Variants in PPIL2 observed in about 807,000 individuals in gnomAD.
PPIL2 encodes peptidylprolyl isomerase like 2, also known as RING-type E3 ubiquitin-protein ligase PPIL2.
A neutral mutation model predicts 75.2 loss-of-function variants in PPIL2; 50 were observed. The observed-to-expected ratio is 0.66, with a 90% CI of 0.53 to 0.84. PPIL2 has a LOEUF of 0.84. Among genes scored for constraint, PPIL2 ranks in the 40% least tolerant of loss-of-function variants. PPIL2 has a pLI of 0.00. For missense variants in PPIL2, 590 were observed against 685.0 expected (o/e 0.86, Z 1.55); for synonymous variants, 245 against 258.8 (o/e 0.95, Z 0.51).
chr22:21,676,609 C>A (rs902252121), intron 6 of PPIL2, among the ~76,000 whole-genome samples: 2 of 151,876 alleles, frequency 1.3e-5, no homozygotes, highest in African/African-American at 2.4e-5. Flanking sequence ...CAAAGCACAT[C>A]TTGCACCGCC....
chr22:21,680,292 T>G (rs1347089752), intron 6 of PPIL2, among the ~76,000 whole-genome samples: 1 of 150,426 alleles, frequency 6.6e-6, no homozygotes, highest in Admixed American at 6.6e-5. Context: ...TTTGAGAGGC[T>G]GAGGCAGGCA....
intron 2 of PPIL2, 119 bp from the exon 3 acceptor site, chr22:21,670,447 G>T: frequency 2.7e-6 from 4 of 1,481,924 alleles, no homozygotes; most frequent in Non-Finnish European, 2.8e-6. Flanking sequence ...CACAGCAATT[G>T]CTGTACTTAA....
downstream of PPIL2, chr22:21,699,725 A>T (rs2068045454): frequency 6.5e-6 from 1 of 152,754 alleles, no homozygotes. Context: ...CCTCTTTCAT[A>T]TGCAAAAATA....
At chr22:21,694,517 C>T (rs1290406656) in intron 16 of PPIL2, 76 bp from the exon 17 acceptor site, 6 of 1,540,840 alleles carry the variant, frequency 3.9e-6, no homozygotes, top group East Asian at 4.5e-5. Flanking sequence ...ACCCCTCTTC[C>T]CACGTGCCTT....
rs961999239 is a variant in PPIL2 at position 21,681,889 on chromosome 22, C to T, written c.387+499C>T. Among the ~76,000 whole-genome samples, 6 of 152,214 alleles carry T rather than the reference C, an allele frequency of 3.9e-5. No homozygotes were observed. The East Asian group carries it at 5.8e-4, about 15-fold the overall frequency. On this transcript the variant is annotated intron_variant, in intron 7 of 19. Transcript: ENST00000398831. ...GTGAGGCGGGGCAGGCCCCACATGGCGGGAAAGCCGACCTTTGCGCCGTTG... is the reference window on the plus strand; with the variant it reads ...GTGAGGCGGGGCAGGCCCCACATGGTGGGAAAGCCGACCTTTGCGCCGTTG...
At chr22:21,692,925 C>CAA (rs113931448) in intron 15 of PPIL2, among the ~76,000 whole-genome samples, 4 of 103,782 alleles carry the variant, frequency 3.9e-5, no homozygotes, top group African/African-American at 1.0e-4. Flanking sequence ...GATTCCATCT[C>CAA]AAAAAAAAAA....
rs1356004994 is a variant in PPIL2 at position 21,681,330 on chromosome 22, G to A, written c.327G>A (p.Val109=). The A allele has an allele frequency of 5.0e-6, 8 of 1,614,040 alleles. No individual in the cohort carries two copies. The highest frequency in any genetic ancestry group is 6.8e-6 in the Non-Finnish European group (8 of 1,179,986). ...GKYHCPVLFT[V]FTNNTHIVAV... ...ACCACTGCCCAGTGCTGTTTACCGT[G>A]TTCACCAACAACACCCACATCGTGG... Residue 109 remains valine (V), a synonymous_variant, in exon 7 of 20, where the codon GTG becomes GTA. Coordinates refer to ENST00000398831, the MANE Select transcript of PPIL2 (RefSeq NM_014337.4).
chr22:21,687,093 C>T (rs1311299307), intron 12 of PPIL2, 95 bp downstream of exon 12: 2 of 1,197,176 alleles, frequency 1.7e-6, no homozygotes, highest in Admixed American at 1.8e-5. Context: ...CTGGTATGTG[C>T]TTGTTGTAGG....
chr22:21,669,300 G>T (rs1329976403), intron 1 of PPIL2: 1 of 424,196 alleles, frequency 2.4e-6, no homozygotes, highest in Non-Finnish European at 4.8e-6. Context: ...GGTGTGAGCT[G>T]TCACACCTGG....
intron 5 of PPIL2, 141 bp from the exon 6 acceptor site, chr22:21,674,923 G>T: frequency 1.4e-6 from 1 of 700,614 alleles, no homozygotes. Flanking sequence ...GGTCCTTGCA[G>T]GGTCTTGGGG....
At chr22:21,692,933 A>T (rs1300667929) in intron 15 of PPIL2, among the ~76,000 whole-genome samples, 1 of 151,916 alleles carries the variant, frequency 6.6e-6, no homozygotes, top group East Asian at 1.9e-4. Context: ...CTCAAAAAAA[A>T]AAAAAAAAGT....
In PPIL2 at chr22:21,697,630, GC is replaced by G. The variant is rs1367400647; in HGVS notation, c.*2144del. ...GGCCAGAGGACAGGGGAAGCTGAAG[GC>G]CCCGTGCTTGAGCTCGGCAGTCCTG... On this transcript the variant is annotated 3_prime_UTR_variant, in exon 20 of 20. Transcript: ENST00000398831. The G allele has an allele frequency of 6.5e-6, 1 of 153,280 alleles. No homozygotes were observed. Among genetic ancestry groups the G allele is most frequent in the Non-Finnish European group, 1.5e-5 (1 of 68,828 alleles). The allele number at this position is 153,280 out of a possible 1,614,324, so 9.5% of individuals were successfully genotyped here.
At chr22:21,670,461 T>C in intron 2 of PPIL2, 105 bp from the exon 3 acceptor site, 1 of 1,492,854 alleles carries the variant, frequency 6.7e-7, no homozygotes, top group Admixed American at 1.8e-5. Flanking sequence ...TACTTAAAAA[T>C]TTGCATGAAC....
At position 21,696,467 on chromosome 22, in the gene PPIL2, AT is replaced by A. The variant is rs1211532299; in HGVS notation, c.*978del. ...CTCCTCCTGTCAGTCACTGACTCTG[AT>A]GGCCTTGGGCCAGCTGCATCAGCAG... On this transcript the variant is annotated 3_prime_UTR_variant, in exon 20 of 20. Coordinates refer to ENST00000398831, the MANE Select transcript of PPIL2 (RefSeq NM_014337.4). The A allele has an allele frequency of 8.2e-7, 1 of 1,214,186 alleles. No individual in the cohort carries two copies. Among genetic ancestry groups the A allele is most frequent in the Non-Finnish European group, 1.0e-6 (1 of 962,122 alleles). 75.2% of individuals were successfully genotyped at this position (1,214,186 alleles called of 1,614,324 possible).
intron 6 of PPIL2, among the ~76,000 whole-genome samples, chr22:21,677,947 G>C (rs1321009534): frequency 6.6e-6 from 1 of 152,190 alleles, no homozygotes; most frequent in Non-Finnish European, 1.5e-5. Flanking sequence ...TGCAGGGCCA[G>C]GCTGATGGCA....
intron 9 of PPIL2, among the ~76,000 whole-genome samples, chr22:21,683,610 C>G (rs146964740): frequency 6.6e-6 from 1 of 152,250 alleles, no homozygotes; most frequent in Non-Finnish European, 1.5e-5. Context: ...TCAGAGGTCA[C>G]TCGGCCTTGT....
chr22:21,687,058 C>A, intron 12 of PPIL2, 60 bp downstream of exon 12: 1 of 1,474,052 alleles, frequency 6.8e-7, no homozygotes, highest in Non-Finnish European at 9.5e-7. Context: ...CATCTGACAG[C>A]CATGTCTTAA....
At chr22:21,695,242 C>A in intron 19 of PPIL2, 152 bp from the exon 20 acceptor site, 1 of 1,320,452 alleles carries the variant, frequency 7.6e-7, no homozygotes, top group Non-Finnish European at 1.0e-6. Flanking sequence ...CTGGCCGGGG[C>A]CTCTGTGGGT....
chr22:21,696,439 C>G lies in PPIL2; in HGVS notation c.*949C>G. 2.5e-6 allele frequency: 3 copies of G among 1,192,830 alleles called. No individual in the cohort carries two copies. The highest frequency in any genetic ancestry group is 3.2e-6 in the Non-Finnish European group (3 of 949,364). 73.9% of individuals were successfully genotyped at this position (1,192,830 alleles called of 1,614,324 possible). A position where few individuals can be genotyped will look rare whatever the true frequency, so the allele number is the denominator to read the frequency against. ...GGCCCGGCCACTGGGCTCCAAGACT[C>G]TGCTCCTCCTGTCAGTCACTGACTC... On this transcript the variant is annotated 3_prime_UTR_variant, in exon 20 of 20. Transcript: ENST00000398831.
Sources: allele counts gnomAD v4.1 joint callset (sites outside exome capture counted in the v4.1 genomes callset), GRCh38; gene constraint gnomAD v4.1.1; transcripts MANE v1.5; gene names NCBI Gene and HGNC (gene_info 2026-07-23, HGNC 2026-07-21).